ZIK1: variants seen among roughly 807,000 people sequenced by gnomAD.
ZIK1 encodes zinc finger protein interacting with ribonucleoprotein K.
In ZIK1, 12 loss-of-function variants were observed where a neutral mutation model predicts 10.7. The observed-to-expected ratio is 1.12, with a 90% CI of 0.72 to 1.81. ZIK1 has a LOEUF of 1.81. Ranked by LOEUF, ZIK1 falls within the 40% of genes most tolerant of loss-of-function variation. ZIK1 has a pLI of 0.00. For synonymous variants in ZIK1, 190 were observed against 205.0 expected, an observed-to-expected ratio of 0.93 and a Z score of 0.63; for missense variants, 497 against 585.7, an observed-to-expected ratio of 0.85 and a Z score of 1.56.
intron 3 of ZIK1, chr19:57,589,673 C>T: frequency 8.1e-6 from 8 of 985,416 alleles, no homozygotes; most frequent in Non-Finnish European, 9.6e-6. Context: ...ATGCAGGTGT[C>T]ACCAGCAGAC....
In ZIK1 at chr19:57,592,366, C is replaced by A. The variant is rs981193468; in HGVS notation, c.*1091C>A. 1 of 152,198 alleles carries A rather than the reference C, an allele frequency of 6.6e-6. No individual in the cohort carries two copies. 9.4% of individuals were successfully genotyped at this position (152,198 alleles called of 1,614,324 possible). A position where few individuals can be genotyped will look rare whatever the true frequency, so the allele number is the denominator to read the frequency against. ...CTCTTATAAAAGTACATTTACAAAT[C>A]TTCCCGTGACTGTGGCTTTGAGCAG... is the stretch of plus-strand genomic sequence containing the variant. On this transcript the variant is annotated 3_prime_UTR_variant, in exon 4 of 4. Coordinates refer to ENST00000597850, the MANE Select transcript of ZIK1 (RefSeq NM_001010879.4).
chr19:57,592,151 G>A lies in ZIK1; in HGVS notation c.*876G>A, dbSNP rs1979749781. ...TTTTATTCCATTGTTTCCAGAGGATGTCATATGATGCCCAGTGCTGCTGAG... is the reference window on the plus strand; with the variant it reads ...TTTTATTCCATTGTTTCCAGAGGATATCATATGATGCCCAGTGCTGCTGAG... On this transcript the variant is annotated 3_prime_UTR_variant, in exon 4 of 4. Transcript: ENST00000597850. 1 of 152,174 alleles carries A rather than the reference G, an allele frequency of 6.6e-6. No individual in the cohort carries two copies. Among genetic ancestry groups the A allele is most frequent in the African/African-American group, 2.4e-5 (1 of 41,436 alleles). The allele number at this position is 152,174 out of a possible 1,614,324, so 9.4% of individuals were successfully genotyped here.
At chr19:57,585,297 C>T (rs1218299459) in intron 2 of ZIK1, among the ~76,000 whole-genome samples, 1 of 152,226 alleles carries the variant, frequency 6.6e-6, no homozygotes, top group Non-Finnish European at 1.5e-5. Flanking sequence ...GGGCAGGACT[C>T]AGGCCTGGAA....
rs1401954776 is a variant in ZIK1 at position 57,588,649 on chromosome 19, C to T, written c.183C>T (p.Ala61=). 3.2e-6 allele frequency: 5 copies of T among 1,569,434 alleles called. No individual in the cohort carries two copies. Among genetic ancestry groups the T allele is most frequent in the Non-Finnish European group, 4.3e-6 (5 of 1,154,410 alleles). The change falls in exon 3 of 4, where the codon GCC becomes GCT. Residue 61 remains alanine (A), a synonymous_variant. Transcript: ENST00000597850. ...TTGAAGTGATGCTGGAGAACTTTGC[C>T]CTTGTAGCCTCACTGGGTAAGGCCC... ...LYLEVMLENF[A]LVASLGCGHG...
chr19:57,589,280 T>C (rs1419416390), intron 3 of ZIK1: 2 of 985,232 alleles, frequency 2.0e-6, no homozygotes, highest in South Asian at 4.7e-5. Context: ...GGCCTGGGCT[T>C]GTTGAGTGGC....
intron 2 of ZIK1, 52 bp from the exon 3 acceptor site, chr19:57,588,487 G>A: frequency 7.2e-7 from 1 of 1,389,562 alleles, no homozygotes; most frequent in Middle Eastern, 2.0e-4. Flanking sequence ...TGCGTGGGTG[G>A]ATGAACTTGT....
chr19:57,584,382 C>G lies in ZIK1; in HGVS notation c.26C>G (p.Pro9Arg). ...ATGGCTGCGGCCGCGCTGAGGGCCCCGACTCAGGTGAGCGCTGCCTCTACT... is the reference window on the plus strand; with the variant it reads ...ATGGCTGCGGCCGCGCTGAGGGCCCGGACTCAGGTGAGCGCTGCCTCTACT... MAAAALRAPTQVTVSPETH... is the reference protein window; with the variant it reads MAAAALRARTQVTVSPETH... Residue 9 changes from proline to arginine, a missense_variant, in exon 1 of 4, where the codon CCG becomes CGG. Coordinates refer to ENST00000597850, the MANE Select transcript of ZIK1 (RefSeq NM_001010879.4). 6.2e-7 allele frequency: 1 copy of G among 1,607,500 alleles called. No individual in the cohort carries two copies. Among genetic ancestry groups the G allele is most frequent in the Admixed American group, 1.7e-5 (1 of 59,510 alleles).
Position 57,584,354 on chromosome 19 carries a change from C to A in ZIK1, c.-3C>A. On this transcript the variant is annotated 5_prime_UTR_variant, in exon 1 of 4. Transcript: ENST00000597850. The stretch of plus-strand genomic sequence containing the variant: ...CCCGGCCCCGCTCTGCCCACAGACT[C>A]CGATGGCTGCGGCCGCGCTGAGGGC... 1 of 1,599,220 alleles carries A rather than the reference C, an allele frequency of 6.3e-7. No individual in the cohort carries two copies. Among genetic ancestry groups the A allele is most frequent in the Non-Finnish European group, 8.5e-7 (1 of 1,173,630 alleles).
Position 57,591,624 on chromosome 19 carries a change from G to A in ZIK1, c.*349G>A. 1 of 229,484 alleles carries A rather than the reference G, an allele frequency of 4.4e-6. No individual in the cohort carries two copies. Among genetic ancestry groups the A allele is most frequent in the Non-Finnish European group, 8.7e-6 (1 of 115,516 alleles). The allele number at this position is 229,484 out of a possible 1,614,324, so 14.2% of individuals were successfully genotyped here. A position where few individuals can be genotyped will look rare whatever the true frequency, so the allele number is the denominator to read the frequency against. On this transcript the variant is annotated 3_prime_UTR_variant, in exon 4 of 4. Transcript: ENST00000597850. ...AGAAAATTCATTCTTTTTTCTGACT[G>A]ATCACAGCATACGTGTGACCCAGTT... is the stretch of plus-strand genomic sequence containing the variant.
At chr19:57,584,737 A>G in intron 1 of ZIK1, 2 of 1,071,580 alleles carry the variant, frequency 1.9e-6, no homozygotes, top group Non-Finnish European at 2.6e-6. Flanking sequence ...AGACTAGAAT[A>G]GAATGGAATA....
intron 3 of ZIK1, chr19:57,589,222 G>A (rs867145244): frequency 1.0e-6 from 1 of 978,610 alleles, no homozygotes; most frequent in Non-Finnish European, 1.2e-6. Context: ...AACTGAGGGT[G>A]TGCAGAGAAA....
intron 3 of ZIK1, 79 bp downstream of exon 3, chr19:57,588,744 G>A: frequency 7.4e-7 from 1 of 1,357,308 alleles, no homozygotes; most frequent in Non-Finnish European, 9.6e-7. Context: ...TGGGATATGT[G>A]CTATGGGATC....
At chr19:57,589,203 T>C (rs1195346331) in intron 3 of ZIK1, 1 of 954,436 alleles carries the variant, frequency 1.0e-6, no homozygotes, top group African/African-American at 1.8e-5. Context: ...AGGTCCCACA[T>C]AGCTAGACAA....
rs1979858641 is a variant in ZIK1 at position 57,593,251 on chromosome 19, A to AG, written c.*1978dup. 6.9e-6 allele frequency: 1 copy of AG among 145,796 alleles called. No homozygotes were observed. Among genetic ancestry groups the AG allele is most frequent in the Non-Finnish European group, 1.5e-5 (1 of 66,584 alleles). 9.0% of individuals were successfully genotyped at this position (145,796 alleles called of 1,614,324 possible). ...GAGATGTGGTTTTACCATGTTTGCC[A>AG]GGATGGTCTTGATCTCTTGACCTCG... On this transcript the variant is annotated 3_prime_UTR_variant, in exon 4 of 4. Transcript: ENST00000597850.
At position 57,584,286 on chromosome 19, in the gene ZIK1, GTTGACGGC is replaced by G; in HGVS notation, c.-68_-61del. ...GGTTCTAAGGGTCGGCGGCGGCGGGGTTGACGGCTTTGCCTAGGTCCCTCCGCCCGTAG... is the reference window on the plus strand; with the variant it reads ...GGTTCTAAGGGTCGGCGGCGGCGGGGTTTGCCTAGGTCCCTCCGCCCGTAG... On this transcript the variant is annotated 5_prime_UTR_variant, in exon 1 of 4. Transcript: ENST00000597850. 1.3e-6 allele frequency: 2 copies of G among 1,530,098 alleles called. No homozygotes were observed. The highest frequency in any genetic ancestry group is 2.4e-5 in the South Asian group (2 of 83,258). The allele number at this position is 1,530,098 out of a possible 1,614,324, so 94.8% of individuals were successfully genotyped here.
chr19:57,589,013 T>A (rs1979418065), intron 3 of ZIK1, among the ~76,000 whole-genome samples: 1 of 152,202 alleles, frequency 6.6e-6, no homozygotes, highest in African/African-American at 2.4e-5. Context: ...GTAGTCATTG[T>A]CATTGTCTAT....
chr19:57,591,215 T>G lies in ZIK1; in HGVS notation c.1404T>G (p.Cys468Trp), dbSNP rs1979671298. 3 of 1,614,060 alleles carry G rather than the reference T, an allele frequency of 1.9e-6. No individual in the cohort carries two copies. In the South Asian group the frequency reaches 3.3e-5, roughly 18 times the overall value. The change falls in exon 4 of 4, where the codon TGT becomes TGG. Residue 468 changes from cysteine (C) to tryptophan (W), a missense_variant. Coordinates refer to ENST00000597850, the MANE Select transcript of ZIK1 (RefSeq NM_001010879.4). ...AAAGGCCTTATGAGTGCAACAAATG[T>G]GGGAATTCCTTTAGCCAATGCTCCA... ...TGERPYECNK[C>W]GNSFSQCSSL...
Position 57,589,976 on chromosome 19 carries a change from C to A in ZIK1, c.200-35C>A, listed in dbSNP as rs1327076596. On this transcript the variant is annotated intron_variant, in intron 3 of 3. Coordinates refer to ENST00000597850, the MANE Select transcript of ZIK1 (RefSeq NM_001010879.4). ...TGGGGCTTCTTGCTCTCAGCATAGT[C>A]AATGTATATTTCATCAGCGGTTCTC... is the stretch of plus-strand genomic sequence containing the variant. The A allele has an allele frequency of 2.5e-6, 4 of 1,595,202 alleles. No homozygotes were observed. In the South Asian group the frequency reaches 3.4e-5, roughly 13 times the overall value.
In ZIK1 at chr19:57,593,480, A is replaced by G. The variant is rs1979879989; in HGVS notation, c.*2205A>G. On this transcript the variant is annotated 3_prime_UTR_variant, in exon 4 of 4. Coordinates refer to ENST00000597850, the MANE Select transcript of ZIK1 (RefSeq NM_001010879.4). The stretch of plus-strand genomic sequence containing the variant: ...GTTTTGGGCTGTTGCAAATAATGCT[A>G]CTATGAACATAGGCATATAACTCTT... 1 of 152,200 alleles carries G rather than the reference A, an allele frequency of 6.6e-6. No individual in the cohort carries two copies. The highest frequency in any genetic ancestry group is 6.5e-5 in the Admixed American group (1 of 15,282). 9.4% of individuals were successfully genotyped at this position (152,200 alleles called of 1,614,324 possible).
Sources: allele counts gnomAD v4.1 joint callset (sites outside exome capture counted in the v4.1 genomes callset), GRCh38; gene constraint gnomAD v4.1.1; transcripts MANE v1.5; gene names NCBI Gene and HGNC (gene_info 2026-07-23, HGNC 2026-07-21).